Variants in CREBRF observed in about 807,000 individuals in gnomAD.
The protein encoded by CREBRF is CREB3 regulatory factor.
CREBRF carries 5 observed loss-of-function variants against 66.1 expected under a neutral mutation model. The ratio of observed to expected loss-of-function variants is 0.08; its 90% confidence interval spans 0.04 to 0.16. CREBRF has a LOEUF of 0.16. CREBRF is among the 10% of genes least tolerant of loss of function. CREBRF has a pLI of 1.00. For synonymous variants in CREBRF, 229 were observed against 264.4 expected, an observed-to-expected ratio of 0.87 and a Z score of 1.30; for missense variants, 531 against 744.9, an observed-to-expected ratio of 0.71 and a Z score of 3.34.
intron 4 of CREBRF, among the ~76,000 whole-genome samples, chr5:173,108,318 G>A (rs1337419616): frequency 6.6e-6 from 1 of 151,962 alleles, no homozygotes; most frequent in African/African-American, 2.4e-5. Context: ...TCCTGTAATT[G>A]TTCTCTTAAT....
intron 3 of CREBRF, among the ~76,000 whole-genome samples, chr5:173,087,179 T>C (rs879332820): frequency 1.3e-5 from 2 of 152,026 alleles, no homozygotes; most frequent in Admixed American, 6.6e-5. Flanking sequence ...ACTCCTGACC[T>C]CAGGCTATCC....
At chr5:173,059,256 CTTTTTTTTCTTTTTTT>C (rs1757184636) in intron 1 of CREBRF, among the ~76,000 whole-genome samples, 2 of 117,664 alleles carry the variant, frequency 1.7e-5, no homozygotes, top group Admixed American at 1.8e-4. Context: ...TCTTCTTTTT[CTTTTTTTTCTTTTTTT>C]TTTTTTTTTG....
chr5:173,070,469 G>T (rs1437444387), intron 1 of CREBRF, among the ~76,000 whole-genome samples: 1 of 152,052 alleles, frequency 6.6e-6, no homozygotes, highest in Non-Finnish European at 1.5e-5. Flanking sequence ...TTACTATGGT[G>T]AGTTTATCTT....
At chr5:173,125,553 C>T (rs764432505) in intron 8 of CREBRF, among the ~76,000 whole-genome samples, 16 of 152,228 alleles carry the variant, frequency 1.1e-4, no homozygotes, top group African/African-American at 2.4e-4. Context: ...ACAGAGTCTC[C>T]GCTTTTCAGT....
chr5:173,111,051 GT>G (rs1758858068), intron 6 of CREBRF, among the ~76,000 whole-genome samples: 1 of 152,068 alleles, frequency 6.6e-6, no homozygotes, highest in Admixed American at 6.6e-5. Context: ...ACTTTTATGA[GT>G]TTTGACAAAC....
At chr5:173,082,551 T>G (rs553719229) in intron 2 of CREBRF, among the ~76,000 whole-genome samples, 1 of 151,376 alleles carries the variant, frequency 6.6e-6, no homozygotes, top group South Asian at 2.1e-4. Context: ...AGCAAATAGA[T>G]TAATACCATT....
intron 3 of CREBRF, among the ~76,000 whole-genome samples, chr5:173,088,374 A>C (rs1758228502): frequency 7.6e-6 from 1 of 131,072 alleles, no homozygotes; most frequent in African/African-American, 2.9e-5. Flanking sequence ...CTGTAATCCC[A>C]GCTACTCAGG....
At chr5:173,124,919 C>CTTTTTTTTTTTTTTTTTTTTT (rs373993898) in intron 8 of CREBRF, among the ~76,000 whole-genome samples, 1 of 112,804 alleles carries the variant, frequency 8.9e-6, no homozygotes, top group Non-Finnish European at 1.8e-5. Flanking sequence ...TCTTCTTCTT[C>CTTTTTTTTTTTTTTTTTTTTT]TTTTTTTTTT....
intron 2 of CREBRF, chr5:173,085,424 T>C: frequency 1.1e-6 from 1 of 906,598 alleles, no homozygotes; most frequent in Non-Finnish European, 1.7e-6. Context: ...TTTTTTTTTT[T>C]TTCTTTTTGG....
intron 2 of CREBRF, among the ~76,000 whole-genome samples, chr5:173,083,885 T>C (rs1319688023): frequency 6.6e-6 from 1 of 152,198 alleles, no homozygotes; most frequent in African/African-American, 2.4e-5. Flanking sequence ...TTTTTTTAAA[T>C]TACAAACTCA....
intron 2 of CREBRF, chr5:173,086,159 T>TG (rs1172720545): frequency 3.8e-6 from 3 of 780,772 alleles, no homozygotes; most frequent in Non-Finnish European, 4.7e-6. Flanking sequence ...TCAGGAGACA[T>TG]GTTTTGCCAA....
chr5:173,084,262 A>T (rs796429069), intron 2 of CREBRF, among the ~76,000 whole-genome samples: 8 of 152,256 alleles, frequency 5.3e-5, no homozygotes, highest in African/African-American at 1.9e-4. Flanking sequence ...TTAATGAATT[A>T]AAAAAACAAG....
chr5:173,119,798 T>G (rs1251928033), intron 7 of CREBRF, among the ~76,000 whole-genome samples: 1 of 152,198 alleles, frequency 6.6e-6, no homozygotes, highest in Non-Finnish European at 1.5e-5. Context: ...TATTTCTAGT[T>G]TTGTTTATTA....
At chr5:173,102,888 G>T (rs73331195) in intron 4 of CREBRF, among the ~76,000 whole-genome samples, 19,954 of 151,974 alleles carry the variant, frequency 0.13, 2,214 homozygotes, top group African/African-American at 0.29. Flanking sequence ...TGGAGCTTGG[G>T]GCCATACTTT....
intron 4 of CREBRF, among the ~76,000 whole-genome samples, chr5:173,105,020 T>C (rs1259955102): frequency 6.6e-6 from 1 of 152,162 alleles, no homozygotes; most frequent in Non-Finnish European, 1.5e-5. Context: ...CCTTGAGTTG[T>C]GGGGCCTGAC....
At chr5:173,087,375 A>G (rs773030460) in intron 3 of CREBRF, among the ~76,000 whole-genome samples, 6 of 151,656 alleles carry the variant, frequency 4.0e-5, no homozygotes, top group Non-Finnish European at 7.4e-5. Flanking sequence ...GAGCCATCGC[A>G]CCTGGCCTAC....
chr5:173,085,148 G>C (rs1299471451), intron 2 of CREBRF, among the ~76,000 whole-genome samples: 1 of 150,184 alleles, frequency 6.7e-6, no homozygotes, highest in African/African-American at 2.5e-5. Context: ...TTGCCATATT[G>C]GCCAGCCTGG....
At chr5:173,133,132 CT>C (rs1759514737) in intron 8 of CREBRF, among the ~76,000 whole-genome samples, 2 of 152,144 alleles carry the variant, frequency 1.3e-5, no homozygotes, top group African/African-American at 2.4e-5. Context: ...CGTTCATTCA[CT>C]TTTTTAAATG....
At chr5:173,057,266 C>T in intron 1 of CREBRF, 1 of 152,182 alleles carries the variant, frequency 6.6e-6, no homozygotes, top group Non-Finnish European at 1.5e-5. Context: ...ATTGGTTAGG[C>T]TGTGCCGGAG....
Sources: allele counts gnomAD v4.1 joint callset (sites outside exome capture counted in the v4.1 genomes callset), GRCh38; gene constraint gnomAD v4.1.1; transcripts MANE v1.5; gene names NCBI Gene and HGNC (gene_info 2026-07-23, HGNC 2026-07-21).